The following ZRSR2 variants were observed in gnomAD, a reference collection of about 807,000 sequenced individuals.
The protein encoded by ZRSR2 is zinc finger CCCH-type, RNA binding motif and serine/arginine rich 2.
ZRSR2 carries 3 observed loss-of-function variants against 39.4 expected under a neutral mutation model. The observed-to-expected ratio is 0.08, with a 90% CI of 0.03 to 0.20. The LOEUF (loss-of-function observed/expected upper bound fraction) is 0.20. Ranked by LOEUF, ZRSR2 falls within the 10% of genes least tolerant of loss-of-function variation. The probability of loss-of-function intolerance (pLI) is 1.00; values close to 1 mark genes in which losing one functional copy is unlikely to be tolerated. For missense variants in ZRSR2, 256 were observed against 391.5 expected (o/e 0.65, Z 2.92); for synonymous variants, 137 against 136.0 (o/e 1.01, Z -0.05).
At chrX:15,803,981 TAAA>T in intron 4 of ZRSR2, 127 bp from the exon 5 acceptor site, 2 of 777,825 alleles carry the variant, frequency 2.6e-6, no homozygotes, top group Non-Finnish European at 3.4e-6. Flanking sequence ...ATCTTGAACT[TAAA>T]AAAAAAAAAC....
chrX:15,815,428 C>G (rs1234512475), intron 7 of ZRSR2, among the ~76,000 whole-genome samples: 1 of 112,437 alleles, frequency 8.9e-6, no homozygotes, highest in African/African-American at 3.2e-5. Flanking sequence ...TCCTGAGTAG[C>G]TGGGATTATA....
At chrX:15,809,619 T>C (rs1419340744) in intron 7 of ZRSR2, among the ~76,000 whole-genome samples, 1 of 112,102 alleles carries the variant, frequency 8.9e-6, no homozygotes, top group Non-Finnish European at 1.9e-5. Context: ...CATTAGTCCA[T>C]GGTGGACAAC....
At chrX:15,801,424 G>T in intron 3 of ZRSR2, 1 of 293,079 alleles carries the variant, frequency 3.4e-6, no homozygotes. Context: ...GTAGAGATGG[G>T]GTTTCACCAT....
At chrX:15,794,290 T>A (rs866582335) in intron 2 of ZRSR2, among the ~76,000 whole-genome samples, 5 of 110,998 alleles carry the variant, frequency 4.5e-5, no homozygotes, top group Middle Eastern at 9.2e-3. Flanking sequence ...GATATACATT[T>A]GATCCTTGAA....
chrX:15,822,908 A>G lies in ZRSR2; in HGVS notation c.1115A>G (p.Asp372Gly), dbSNP rs1933146284. ...ERRERMGHHD[D>G]YYSRLRGRRN... Reference sequence around the variant, plus strand: ...AGGGAGAGGATGGGCCACCACGACGACTACTACAGCAGGCTGCGGGGAAGG... The same window carrying G: ...AGGGAGAGGATGGGCCACCACGACGGCTACTACAGCAGGCTGCGGGGAAGG... Residue 372 changes from aspartate to glycine, a missense_variant, in exon 11 of 11, where the codon GAC becomes GGC. Transcript: ENST00000307771. The G allele has an allele frequency of 8.2e-7, 1 of 1,212,479 alleles. No homozygotes were observed. Among genetic ancestry groups the G allele is most frequent in the Admixed American group, 2.2e-5 (1 of 46,149 alleles).
At chrX:15,815,642 G>T (rs1248119031) in intron 7 of ZRSR2, 35 bp from the exon 8 acceptor site, 1 of 1,117,321 alleles carries the variant, frequency 8.9e-7, no homozygotes, top group African/African-American at 1.8e-5. Context: ...TTCAACTATT[G>T]GCCTAGTGAA....
Position 15,822,904 on chromosome X carries a change from G to C in ZRSR2, c.1111G>C (p.Asp371His), listed in dbSNP as rs1420213041. 8.3e-7 allele frequency: 1 copy of C among 1,211,081 alleles called. No individual in the cohort carries two copies. Among genetic ancestry groups the C allele is most frequent in the Non-Finnish European group, 1.1e-6 (1 of 895,472 alleles). ...AAGGAGGGAGAGGATGGGCCACCAC[G>C]ACGACTACTACAGCAGGCTGCGGGG... is the stretch of plus-strand genomic sequence containing the variant. ...SERRERMGHHDDYYSRLRGRR... is the reference protein window; with the variant it reads ...SERRERMGHHHDYYSRLRGRR... The change falls in exon 11 of 11, where the codon GAC (aspartate) becomes CAC (histidine). Residue 371 changes from aspartate (D) to histidine (H), a missense_variant. Asp to His is a moderately conservative substitution (Grantham distance 81). This residue lies in a region of ZRSR2 where 111 missense variants were observed against 116.7 expected (regional missense o/e 0.95). Transcript: ENST00000307771.
intron 2 of ZRSR2, among the ~76,000 whole-genome samples, chrX:15,796,183 C>T (rs1321398306): frequency 4.5e-5 from 5 of 111,251 alleles, no homozygotes; most frequent in Admixed American, 1.9e-4. Context: ...CACGCACCAC[C>T]GCGCCCGGCC....
intron 1 of ZRSR2, 196 bp from the exon 2 acceptor site, chrX:15,790,738 G>A (rs983932454): frequency 2.0e-5 from 13 of 639,478 alleles, no homozygotes; most frequent in Admixed American, 3.7e-5. Flanking sequence ...GATCAGGTTG[G>A]CGGATGGAGA....
intron 8 of ZRSR2, among the ~76,000 whole-genome samples, chrX:15,818,242 G>A (rs73635833): frequency 0.015 from 1,686 of 112,691 alleles, 24 homozygotes; most frequent in African/African-American, 0.052. Flanking sequence ...CTTCAACTGA[G>A]TCTTTAATGT....
chrX:15,796,386 A>C (rs967122794), intron 2 of ZRSR2, among the ~76,000 whole-genome samples: 2 of 112,414 alleles, frequency 1.8e-5, no homozygotes, highest in South Asian at 7.3e-4. Context: ...GTAGTGTCAC[A>C]AGGTGTTTTA....
At position 15,803,769 on chromosome X, in the gene ZRSR2, G is replaced by A. The variant is rs753178333; in HGVS notation, c.285G>A (p.Ala95=). The change falls in exon 4 of 11, where the codon GCG becomes GCA. Residue 95 remains alanine, a synonymous_variant. Transcript: ENST00000307771. The stretch of plus-strand genomic sequence containing the variant: ...GAATAAAGAAGGAAAAGGAAGAGGC[G>A]GCTAAAAAACGGCAAGAAGAACAAG... ...EFRIKKEKEE[A]AKKRQEEQER... 1.4e-5 allele frequency: 17 copies of A among 1,192,685 alleles called. 1 individual carries two copies. In the Admixed American group the frequency reaches 2.3e-4, roughly 16 times the overall value.
At chrX:15,794,289 T>A (rs1465818355) in intron 2 of ZRSR2, among the ~76,000 whole-genome samples, 1 of 110,803 alleles carries the variant, frequency 9.0e-6, no homozygotes, top group Non-Finnish European at 1.9e-5. Flanking sequence ...GGATATACAT[T>A]TGATCCTTGA....
In ZRSR2 at chrX:15,814,022, A is replaced by G. The variant is rs760956621; in HGVS notation, c.558-1655A>G. 2.9e-5 allele frequency among the ~76,000 whole-genome samples: 3 copies of G among 105,162 alleles called. No individual in the cohort carries two copies. In the East Asian group the frequency reaches 8.9e-4, roughly 31 times the overall value. The allele number at this position is 105,162 out of a possible 115,157, so 91.3% of individuals were successfully genotyped here. A position where few individuals can be genotyped will look rare whatever the true frequency, so the allele number is the denominator to read the frequency against. On this transcript the variant is annotated intron_variant, in intron 7 of 10. Coordinates refer to ENST00000307771, the MANE Select transcript of ZRSR2 (RefSeq NM_005089.4). ...TCAGGGCCATTGTTGTTTTTTCCCA[A>G]CACGTCCTATTCTTCAACTTTCTTT... is the stretch of plus-strand genomic sequence containing the variant.
At chrX:15,813,459 C>T (rs180707891) in intron 7 of ZRSR2, among the ~76,000 whole-genome samples, 2 of 112,128 alleles carry the variant, frequency 1.8e-5, no homozygotes, top group South Asian at 3.7e-4. Flanking sequence ...AGACTGCCTT[C>T]GTAAATGTCA....
chrX:15,808,624 C>CT lies in ZRSR2; in HGVS notation c.438+367dup, dbSNP rs776535835. On this transcript the variant is annotated intron_variant, in intron 6 of 10. Transcript: ENST00000307771. ...TGGACCCTTTTTTTTCTCTTTTTTT[C>CT]TTTTTTTTTTTTTTGAGACGGAGTT... Among the ~76,000 whole-genome samples, 351 of 94,836 alleles carry CT rather than the reference C, an allele frequency of 3.7e-3. 1 individual carries two copies. Among genetic ancestry groups the CT allele is most frequent in the Middle Eastern group, 0.016 (3 of 189 alleles). 82.4% of individuals were successfully genotyped at this position (94,836 alleles called of 115,157 possible). A position where few individuals can be genotyped will look rare whatever the true frequency, so the allele number is the denominator to read the frequency against.
At chrX:15,799,804 A>C in intron 2 of ZRSR2, 68 bp from the exon 3 acceptor site, 1 of 729,989 alleles carries the variant, frequency 1.4e-6, no homozygotes, top group Non-Finnish European at 2.0e-6. Context: ...GATTACATGT[A>C]TTTTTTTCCT....
intron 2 of ZRSR2, among the ~76,000 whole-genome samples, chrX:15,791,743 G>A (rs1230640579): frequency 1.0e-5 from 1 of 100,041 alleles, no homozygotes; most frequent in Non-Finnish European, 2.0e-5. Flanking sequence ...TGCAGCCTCC[G>A]CCCCCTGGGT....
intron 5 of ZRSR2, among the ~76,000 whole-genome samples, chrX:15,806,678 C>T (rs778374723): frequency 4.6e-5 from 5 of 107,629 alleles, no homozygotes; most frequent in Non-Finnish European, 9.6e-5. Context: ...CCACCCGCCT[C>T]GGCCTCCCAA....
Sources: allele counts gnomAD v4.1 joint callset (sites outside exome capture counted in the v4.1 genomes callset), GRCh38; gene constraint gnomAD v4.1.1; regional missense constraint gnomAD v4.1.1; transcripts MANE v1.5; gene names NCBI Gene and HGNC (gene_info 2026-07-23, HGNC 2026-07-21).